The following GTF3C2 variants were observed in gnomAD, a reference collection of about 807,000 sequenced individuals.
GTF3C2 encodes the protein general transcription factor IIIC subunit 2.
In GTF3C2, 17 loss-of-function variants were observed where a neutral mutation model predicts 117.4. The ratio of observed to expected loss-of-function variants is 0.14; its 90% CI spans 0.10 to 0.22. The LOEUF is 0.22. Among genes scored for constraint, GTF3C2 ranks in the 10% least tolerant of loss-of-function variants. GTF3C2 has a pLI of 1.00. For missense variants in GTF3C2, 888 were observed against 1,143.6 expected (o/e 0.78, Z 3.22); for synonymous variants, 437 against 427.0 (o/e 1.02, Z -0.29).
chr2:27,336,873 G>C (rs1680499745), intron 7 of GTF3C2: 1 of 235,412 alleles, frequency 4.2e-6, no homozygotes, highest in Non-Finnish European at 8.3e-6. Context: ...GCCTCCCAAA[G>C]TGCTGAGATT....
chr2:27,331,247 C>T (rs370764782), intron 12 of GTF3C2, among the ~76,000 whole-genome samples: 1 of 152,070 alleles, frequency 6.6e-6, no homozygotes, highest in Non-Finnish European at 1.5e-5. Context: ...AAAAACATGG[C>T]GAAAGGGATG....
chr2:27,326,423 T>G, exon 19 of GTF3C2: 1 of 572,864 alleles, frequency 1.7e-6, no homozygotes, highest in Non-Finnish European at 3.1e-6. Context: ...GCCTGAGTGT[T>G]TCTCATGAGC....
chr2:27,351,149 C>T (rs979665362), intron 1 of GTF3C2, among the ~76,000 whole-genome samples: 19 of 150,840 alleles, frequency 1.3e-4, no homozygotes, highest in African/African-American at 3.7e-4. Context: ...TGGTGGCTCA[C>T]GCCTGTAATC....
chr2:27,342,685 T>C, intron 3 of GTF3C2, 141 bp downstream of exon 3: 1 of 653,610 alleles, frequency 1.5e-6, no homozygotes, highest in Non-Finnish European at 2.7e-6. Flanking sequence ...GGTAAGAGCC[T>C]AAAGGACTGC....
Position 27,350,644 on chromosome 2 carries a change from T to A in GTF3C2, c.-25+6095A>T, listed in dbSNP as rs866740179. 115 of 229,950 alleles carry A rather than the reference T, an allele frequency of 5.0e-4. No homozygotes were observed. Among genetic ancestry groups the A allele is most frequent in the Non-Finnish European group, 6.4e-4 (96 of 149,234 alleles). 14.2% of individuals were successfully genotyped at this position (229,950 alleles called of 1,614,324 possible). ...GCAAGACTTTGTCTCTGCAAAAAAA[T>A]TTTTTTTGAAAATTAGCTGAGGCTG... On this transcript the variant is annotated intron_variant, in intron 1 of 18. Coordinates refer to ENST00000264720, the Ensembl canonical transcript of GTF3C2.
chr2:27,337,926 A>C, exon 5 of GTF3C2: 1 of 1,568,072 alleles, frequency 6.4e-7, no homozygotes, highest in African/African-American at 1.3e-5. Flanking sequence ...CAAGTCTCAC[A>C]AGTCCTTGGT....
intron 12 of GTF3C2, among the ~76,000 whole-genome samples, chr2:27,330,974 C>G (rs899030848): frequency 6.6e-6 from 1 of 151,982 alleles, no homozygotes; most frequent in African/African-American, 2.4e-5. Flanking sequence ...AATAAAATAG[C>G]CTGGTGTGGT....
At chr2:27,326,966 C>CAAA (rs35568684) in intron 18 of GTF3C2, 73 bp from the exon 19 acceptor site, 4 of 716,046 alleles carry the variant, frequency 5.6e-6, no homozygotes, top group East Asian at 3.0e-5. Flanking sequence ...GCTGTATGAA[C>CAAA]AAAAAAAAAA....
At position 27,329,426 on chromosome 2, in the gene GTF3C2, T is replaced by G. The variant is rs775000342; in HGVS notation, c.1830A>C (p.Leu610=). The G allele has an allele frequency of 1.9e-6, 3 of 1,613,936 alleles. No homozygotes were observed. The African/African-American group carries it at 4.0e-5, about 22-fold the overall frequency. Residue 610 remains leucine (L), a synonymous_variant, in exon 13 of 19, where the codon CTA becomes CTC. Coordinates refer to ENST00000264720, the Ensembl canonical transcript of GTF3C2. This position sits in a 1 kb window ranked among gnomAD's most constrained non-coding sequence, Gnocchi z 4.5. ...GGGTACGCACAGCCTGGTCATGGGC[T>G]AGGAAACACTGGAAGGGGTAGAGCT...
intron 1 of GTF3C2, among the ~76,000 whole-genome samples, chr2:27,351,808 G>T (rs1681148389): frequency 6.6e-6 from 1 of 152,090 alleles, no homozygotes; most frequent in Non-Finnish European, 1.5e-5. Context: ...CTACCTCAGG[G>T]TTCAAAGTGG....
In GTF3C2 at chr2:27,328,463, C is replaced by T; in HGVS notation, c.2256+5G>A. 6.2e-7 allele frequency: 1 copy of T among 1,613,926 alleles called. No homozygotes were observed. The highest frequency in any genetic ancestry group is 8.5e-7 in the Non-Finnish European group (1 of 1,179,840). On this transcript the variant is annotated splice_donor_5th_base_variant and intron_variant, in intron 16 of 18. Transcript: ENST00000264720. ...ACAGCTGCTGTTAGATGTTCGTATACGTACAAATCTTCGCTCTACAGGTCG... is the reference window on the plus strand; with the variant it reads ...ACAGCTGCTGTTAGATGTTCGTATATGTACAAATCTTCGCTCTACAGGTCG...
intron 1 of GTF3C2, chr2:27,350,433 G>C: frequency 1.0e-6 from 1 of 985,552 alleles, no homozygotes; most frequent in Non-Finnish European, 1.2e-6. Context: ...TGAGGGTTGA[G>C]GGAAAAACAG....
intron 12 of GTF3C2, among the ~76,000 whole-genome samples, chr2:27,333,051 T>TC (rs1366592672): frequency 6.6e-6 from 1 of 152,058 alleles, no homozygotes; most frequent in Admixed American, 6.6e-5. Context: ...CTCACTAGGT[T>TC]GCCCAGCTGG....
rs370266775 is a variant in GTF3C2 at position 27,337,492 on chromosome 2, C to T, written c.1017G>A (p.Leu339=). The T allele has an allele frequency of 1.9e-6, 3 of 1,608,714 alleles. No individual in the cohort carries two copies. In the African/African-American group the frequency reaches 4.0e-5, roughly 22 times the overall value. Residue 339 remains leucine, a synonymous_variant, in exon 6 of 19, where the codon TTG becomes TTA. Coordinates refer to ENST00000264720, the Ensembl canonical transcript of GTF3C2. ...TTGCTTCAACTTACAGCTCAGATAA[C>T]AAGTGCCACTTCCAGGCTAAAGGAA...
intron 1 of GTF3C2, among the ~76,000 whole-genome samples, chr2:27,346,131 C>G (rs1680908748): frequency 6.7e-6 from 1 of 150,296 alleles, no homozygotes; most frequent in African/African-American, 2.5e-5. Context: ...TCAAGCAATC[C>G]TCCTGCCTCA....
chr2:27,328,566 T>C, exon 16 of GTF3C2: 1 of 1,611,548 alleles, frequency 6.2e-7, no homozygotes, highest in South Asian at 1.1e-5. Context: ...CCTGCAGCTA[T>C]TGTCCCAAGC....
chr2:27,337,659 C>T, intron 5 of GTF3C2, 101 bp from the exon 6 acceptor site: 1 of 843,944 alleles, frequency 1.2e-6, no homozygotes, highest in Admixed American at 1.9e-5. Context: ...TATCTGTGCT[C>T]CCCAATATGC....
intron 12 of GTF3C2, among the ~76,000 whole-genome samples, chr2:27,330,574 A>C (rs1680242997): frequency 6.6e-6 from 1 of 152,222 alleles, no homozygotes; most frequent in Admixed American, 6.5e-5. Flanking sequence ...TCATGCCTGT[A>C]ATCCTAGCAC....
exon 3 of GTF3C2, chr2:27,342,870 A>C (rs765737400): frequency 6.2e-7 from 1 of 1,614,140 alleles, no homozygotes; most frequent in East Asian, 2.2e-5. Context: ...AAGGGGTCTC[A>C]AAGTCCTCAG....
Sources: gnomAD v4.1 joint callset for allele counts (sites outside exome capture counted in the v4.1 genomes callset) on GRCh38, gnomAD v4.1.1 for gene constraint, Gnocchi (gnomAD v3.1) non-coding constraint, MANE v1.5 for transcripts, NCBI Gene and HGNC (gene_info 2026-07-23, HGNC 2026-07-21) for gene names.